BMPR1B: variants seen among roughly 807,000 people sequenced by gnomAD.
BMPR1B encodes bone morphogenetic protein receptor type-1B.
Under a neutral mutation model 59.1 loss-of-function variants are expected in BMPR1B, and 12 were observed. The observed-to-expected ratio is 0.20, with a 90% CI of 0.13 to 0.33. The LOEUF (loss-of-function observed/expected upper bound fraction) is 0.33. Among genes scored for constraint, BMPR1B ranks in the 10% least tolerant of loss-of-function variants. The probability of loss-of-function intolerance (pLI) is 1.00; values close to 1 mark genes in which losing one functional copy is unlikely to be tolerated. For missense variants in BMPR1B, 550 were observed against 610.9 expected (o/e 0.90, Z 1.05); for synonymous variants, 237 against 207.3 (o/e 1.14, Z -1.23).
chr4:94,814,797 G>T (rs767088055), intron 1 of BMPR1B, among the ~76,000 whole-genome samples: 10 of 151,976 alleles, frequency 6.6e-5, no homozygotes, highest in Non-Finnish European at 1.2e-4. Flanking sequence ...TTTTGCACAG[G>T]ATATATTTAC....
At chr4:94,773,495 A>G (rs1483392281) in intron 1 of BMPR1B, among the ~76,000 whole-genome samples, 1 of 152,078 alleles carries the variant, frequency 6.6e-6, no homozygotes, top group Non-Finnish European at 1.5e-5. Context: ...GAATAAACTC[A>G]TTACTTGGGA....
intron 3 of BMPR1B, among the ~76,000 whole-genome samples, chr4:95,005,950 G>A (rs574372245): frequency 2.6e-5 from 4 of 152,176 alleles, no homozygotes; most frequent in East Asian, 1.9e-4. Flanking sequence ...TAATGGTAAC[G>A]TCAACATGTC....
chr4:95,006,100 G>T (rs936112139), intron 3 of BMPR1B, among the ~76,000 whole-genome samples: 1 of 150,674 alleles, frequency 6.6e-6, no homozygotes, highest in African/African-American at 2.4e-5. Flanking sequence ...GTGAAACCTC[G>T]TCTCTACTAA....
At chr4:95,006,979 G>A (rs1423055740) in intron 3 of BMPR1B, among the ~76,000 whole-genome samples, 1 of 152,134 alleles carries the variant, frequency 6.6e-6, no homozygotes, top group African/African-American at 2.4e-5. Context: ...TTTACCAGGT[G>A]TCCAAATCAG....
At chr4:94,878,724 A>G (rs1203705669) in intron 2 of BMPR1B, among the ~76,000 whole-genome samples, 1 of 147,938 alleles carries the variant, frequency 6.8e-6, no homozygotes, top group East Asian at 2.0e-4. Context: ...ATTTCATTTA[A>G]CAGGTTCTGC....
chr4:94,974,975 A>C (rs1730957920), intron 2 of BMPR1B, among the ~76,000 whole-genome samples: 1 of 152,194 alleles, frequency 6.6e-6, no homozygotes. Flanking sequence ...TCTGAGTCAG[A>C]CAGATTACAC....
chr4:95,054,795 A>C (rs2149194542), intron 3 of BMPR1B, among the ~76,000 whole-genome samples: 2 of 152,292 alleles, frequency 1.3e-5, no homozygotes, highest in Middle Eastern at 6.8e-3. Context: ...GACAGACCTA[A>C]AAACTAAAGG....
intron 2 of BMPR1B, among the ~76,000 whole-genome samples, chr4:94,966,343 T>C (rs760253844): frequency 5.3e-5 from 8 of 152,132 alleles, no homozygotes; most frequent in Non-Finnish European, 7.4e-5. Context: ...TTTTAATTGC[T>C]TTTCTCTAAA....
At chr4:94,840,816 T>C (rs1418201480) in intron 1 of BMPR1B, among the ~76,000 whole-genome samples, 1 of 148,880 alleles carries the variant, frequency 6.7e-6, no homozygotes, top group African/African-American at 2.5e-5. Context: ...GGAACTGCGT[T>C]CCTTTGGAGG....
chr4:95,069,566 A>G (rs1051815578), intron 3 of BMPR1B, among the ~76,000 whole-genome samples: 1 of 151,882 alleles, frequency 6.6e-6, no homozygotes, highest in East Asian at 1.9e-4. Flanking sequence ...AATCATGACT[A>G]CTCCCAATAA....
intron 8 of BMPR1B, among the ~76,000 whole-genome samples, chr4:95,127,395 A>G (rs1732985336): frequency 6.6e-6 from 1 of 152,090 alleles, no homozygotes; most frequent in African/African-American, 2.4e-5. Flanking sequence ...CTTTGGGATA[A>G]GTTGTTCCTA....
At chr4:94,780,808 C>A (rs1722560744) in intron 1 of BMPR1B, among the ~76,000 whole-genome samples, 1 of 150,998 alleles carries the variant, frequency 6.6e-6, no homozygotes, top group Non-Finnish European at 1.5e-5. Context: ...CCTGCCTCAG[C>A]CTCCTGAGTA....
intron 1 of BMPR1B, among the ~76,000 whole-genome samples, 162 bp from the exon 2 acceptor site, chr4:94,875,669 G>A (rs1726698556): frequency 6.6e-6 from 1 of 152,188 alleles, no homozygotes; most frequent in African/African-American, 2.4e-5. Context: ...GGGCGATGGA[G>A]CGAGACTCCA....
At chr4:94,960,714 G>GA (rs913837709) in intron 2 of BMPR1B, among the ~76,000 whole-genome samples, 2 of 104,736 alleles carry the variant, frequency 1.9e-5, no homozygotes, top group East Asian at 2.0e-4. Flanking sequence ...AGAGGTGTAT[G>GA]AAAAATATAT....
chr4:94,963,146 T>C (rs1010925483), intron 2 of BMPR1B, among the ~76,000 whole-genome samples: 1 of 152,176 alleles, frequency 6.6e-6, no homozygotes, highest in Non-Finnish European at 1.5e-5. Flanking sequence ...TGTTCAGGTT[T>C]TTTGCCCATT....
chr4:95,063,177 T>C (rs1374083643), intron 3 of BMPR1B, among the ~76,000 whole-genome samples: 2 of 152,212 alleles, frequency 1.3e-5, no homozygotes, highest in African/African-American at 4.8e-5. Context: ...GGCATTCTTA[T>C]AGTTACAATA....
At chr4:94,762,253 T>C (rs1355534840) in intron 1 of BMPR1B, among the ~76,000 whole-genome samples, 1 of 152,222 alleles carries the variant, frequency 6.6e-6, no homozygotes, top group Middle Eastern at 3.2e-3. Flanking sequence ...CACAGATCCT[T>C]GCTGTCATTG....
intron 10 of BMPR1B, among the ~76,000 whole-genome samples, chr4:95,137,974 G>A (rs1230729995): frequency 5.3e-5 from 8 of 152,100 alleles, no homozygotes; most frequent in African/African-American, 1.4e-4. Flanking sequence ...TATTTTGCTC[G>A]TTAGTTGATG....
intron 3 of BMPR1B, among the ~76,000 whole-genome samples, chr4:95,056,962 C>T (rs1726975056): frequency 6.6e-6 from 1 of 152,092 alleles, no homozygotes; most frequent in African/African-American, 2.4e-5. Context: ...TAAATGAAAC[C>T]CCTTTGATAT....
Sources: gnomAD v4.1 joint callset for allele counts (sites outside exome capture counted in the v4.1 genomes callset) on GRCh38, gnomAD v4.1.1 for gene constraint, MANE v1.5 for transcripts, NCBI Gene and HGNC (gene_info 2026-07-23, HGNC 2026-07-21) for gene names.